The following UTP6 variants were observed in gnomAD, a reference collection of about 807,000 sequenced individuals.
UTP6 encodes UTP6 small subunit processome component.
In UTP6, 60 loss-of-function variants were observed where a neutral mutation model predicts 96.5. The ratio of observed to expected loss-of-function variants is 0.62; its 90% confidence interval spans 0.51 to 0.77. The LOEUF (loss-of-function observed/expected upper bound fraction) is 0.77. Ranked by LOEUF, UTP6 falls within the 30% of genes least tolerant of loss-of-function variation. The pLI is 0.00. For missense variants in UTP6, 637 were observed against 706.5 expected, an observed-to-expected ratio of 0.90 and a Z score of 1.12; for synonymous variants, 215 against 240.1, an observed-to-expected ratio of 0.90 and a Z score of 0.96.
chr17:31,889,159 C>T (rs1315975885), intron 7 of UTP6, 126 bp downstream of exon 7: 2 of 589,592 alleles, frequency 3.4e-6, no homozygotes, highest in South Asian at 2.7e-5. Flanking sequence ...TGGTGGCGGG[C>T]ACCTGTAATC....
At chr17:31,891,523 C>T (rs1197805840) in intron 6 of UTP6, among the ~76,000 whole-genome samples, 3 of 151,938 alleles carry the variant, frequency 2.0e-5, no homozygotes, top group African/African-American at 7.3e-5. Flanking sequence ...GTGCTGAGGC[C>T]CCTCCACTAT....
intron 10 of UTP6, among the ~76,000 whole-genome samples, chr17:31,881,300 AT>A (rs1910825733): frequency 7.4e-6 from 1 of 135,044 alleles, no homozygotes; most frequent in African/African-American, 2.9e-5. Context: ...CCAGAATCTC[AT>A]TGCCACCAAG....
chr17:31,864,977 G>C (rs1432556094), intron 18 of UTP6, among the ~76,000 whole-genome samples: 1 of 151,752 alleles, frequency 6.6e-6, no homozygotes, highest in African/African-American at 2.4e-5. Context: ...TTTAAAAGAG[G>C]GTTATGATGC....
chr17:31,890,730 A>T (rs1217383687), intron 6 of UTP6, among the ~76,000 whole-genome samples: 15 of 152,258 alleles, frequency 9.9e-5, no homozygotes, highest in African/African-American at 3.4e-4. Context: ...TTACTCCTGT[A>T]ATCCCAGCAC....
rs761702592 is a variant in UTP6 at position 31,875,384 on chromosome 17, C to T, written c.1155G>A (p.Leu385=). ...LSVSLLCYNF[L]REALEVAVAG... is the part of the protein sequence containing the mutation. ...CTACTGCCACTTCCAGAGCTTCCCT[C>T]AGGAAGTTATAACACAGCAACGAAA... Residue 385 remains leucine, a synonymous_variant, in exon 14 of 19, where the codon CTG becomes CTA. Coordinates refer to ENST00000261708, the MANE Select transcript of UTP6 (RefSeq NM_018428.3). 2 of 1,614,102 alleles carry T rather than the reference C, an allele frequency of 1.2e-6. No individual in the cohort carries two copies. Among genetic ancestry groups the T allele is most frequent in the Admixed American group, 3.3e-5 (2 of 60,004 alleles).
rs868484628 is a variant in UTP6, at chr17:31,869,333, T to C, written c.1497-1221A>G. Among the ~76,000 whole-genome samples the C allele has an allele frequency of 1.2e-4, 18 of 151,724 alleles. No individual in the cohort carries two copies. The Middle Eastern group carries it at 0.017, about 144-fold the overall frequency. On this transcript the variant is annotated intron_variant, in intron 16 of 18. Transcript: ENST00000261708. ...ATAGGTGCAAACTGCATCTGGCTAA[T>C]TGCTTTTCATTTTTAGTAGAGAAAG...
At chr17:31,889,226 T>C (rs774619569) in intron 7 of UTP6, 59 bp downstream of exon 7, 3 of 1,304,540 alleles carry the variant, frequency 2.3e-6, no homozygotes, top group South Asian at 1.5e-5. Flanking sequence ...AAAAAAAATA[T>C]GTCTCCAGAG....
rs895815592 is a variant in UTP6 at position 31,871,875 on chromosome 17, G to C, written c.1496+1503C>G. ...GCCATTACACTCAGCCTGGGCAACA[G>C]AGCAAGACTCTGTCTCAAAGAAAAA... On this transcript the variant is annotated intron_variant, in intron 16 of 18. Coordinates refer to ENST00000261708, the MANE Select transcript of UTP6 (RefSeq NM_018428.3). Among the ~76,000 whole-genome samples the C allele has an allele frequency of 2.7e-5, 4 of 150,898 alleles. No individual in the cohort carries two copies. In the East Asian group the frequency reaches 7.9e-4, roughly 30 times the overall value.
chr17:31,901,037 C>A (rs1904952133), intron 1 of UTP6, among the ~76,000 whole-genome samples: 1 of 152,176 alleles, frequency 6.6e-6, no homozygotes, highest in African/African-American at 2.4e-5. Context: ...TGAATGTCTA[C>A]CATGTGCCAG....
chr17:31,901,122 T>G (rs554291636), intron 1 of UTP6, among the ~76,000 whole-genome samples: 1 of 152,252 alleles, frequency 6.6e-6, no homozygotes, highest in Admixed American at 6.5e-5. Context: ...AGTTAGGAAT[T>G]TATCCACTCC....
chr17:31,895,197 A>T (rs1904563410), intron 2 of UTP6, among the ~76,000 whole-genome samples, 186 bp from the exon 3 acceptor site: 1 of 152,250 alleles, frequency 6.6e-6, no homozygotes, highest in South Asian at 2.1e-4. Context: ...AAACTTAAAC[A>T]GAATTAACAA....
At chr17:31,878,392 T>A (rs1244894575) in intron 12 of UTP6, 65 bp from the exon 13 acceptor site, 2 of 1,487,330 alleles carry the variant, frequency 1.3e-6, no homozygotes, top group South Asian at 2.3e-5. Context: ...GCCTCTGACA[T>A]GAACAAAAGC....
At chr17:31,863,628 T>C (rs1348792124) in intron 18 of UTP6, 112 bp from the exon 19 acceptor site, 2 of 948,366 alleles carry the variant, frequency 2.1e-6, no homozygotes, top group African/African-American at 3.3e-5. Context: ...CATTGTTACT[T>C]CCCTAGGACG....
intron 18 of UTP6, among the ~76,000 whole-genome samples, chr17:31,863,970 G>A (rs7214626): frequency 0.79 from 120,204 of 152,066 alleles, 47,968 homozygotes; most frequent in Non-Finnish European, 0.85. Flanking sequence ...CAAAGTGCTG[G>A]GATTACAGGC....
intron 10 of UTP6, among the ~76,000 whole-genome samples, chr17:31,882,219 C>G (rs562440585): frequency 6.6e-6 from 1 of 151,464 alleles, no homozygotes; most frequent in Non-Finnish European, 1.5e-5. Context: ...TTAGTAGAGG[C>G]GGGGTTTCAC....
rs539342724 is a variant in UTP6 at position 31,878,593 on chromosome 17, A to C, written c.1047+109T>G. The C allele has an allele frequency of 2.1e-5, 23 of 1,101,904 alleles. No homozygotes were observed. In the African/African-American group the frequency reaches 3.3e-4, roughly 16 times the overall value. 68.3% of individuals were successfully genotyped at this position (1,101,904 alleles called of 1,614,324 possible). A position where few individuals can be genotyped will look rare whatever the true frequency, so the allele number is the denominator to read the frequency against. On this transcript the variant is annotated intron_variant, in intron 12 of 18. Coordinates refer to ENST00000261708, the MANE Select transcript of UTP6 (RefSeq NM_018428.3). ...CCCACAAGGAGAGAGAGAGTGGCTA[A>C]ACATAAAAGTTCTCAGAAACTGTGC... is the stretch of plus-strand genomic sequence containing the variant.
intron 8 of UTP6, 104 bp downstream of exon 8, chr17:31,887,122 CAAAAAAAAAG>C (rs750951527): frequency 1.2e-4 from 109 of 941,520 alleles, no homozygotes; most frequent in South Asian, 6.6e-4. Context: ...GACTCCGTCT[CAAAAAAAAAG>C]AAAAAAAAAG....
At chr17:31,885,911 G>C (rs1224503881) in intron 9 of UTP6, 69 bp downstream of exon 9, 23 of 1,417,094 alleles carry the variant, frequency 1.6e-5, no homozygotes, top group Non-Finnish European at 2.3e-5. Flanking sequence ...TTCAAAACTA[G>C]CTAAAGATCT....
At chr17:31,897,852 T>A (rs7222814) in intron 2 of UTP6, among the ~76,000 whole-genome samples, 1 of 152,112 alleles carries the variant, frequency 6.6e-6, no homozygotes, top group African/African-American at 2.4e-5. Context: ...AAAATTGGTC[T>A]GACATAATTT....
Sources: gnomAD v4.1 joint callset for allele counts (sites outside exome capture counted in the v4.1 genomes callset) on GRCh38, gnomAD v4.1.1 for gene constraint, MANE v1.5 for transcripts, NCBI Gene and HGNC (gene_info 2026-07-23, HGNC 2026-07-21) for gene names.